Variants in MITF observed in about 807,000 individuals in gnomAD.
The protein encoded by MITF is microphthalmia-associated transcription factor.
In MITF, 17 loss-of-function variants were observed where a neutral mutation model predicts 60.5. That is an observed-to-expected ratio of 0.28 (90% CI 0.19 to 0.42). The LOEUF (loss-of-function observed/expected upper bound fraction) is 0.42, where lower values mean the gene tolerates loss of function less well. MITF is among the 10% of genes least tolerant of loss of function. The pLI is 1.00. For missense variants in MITF, 622 were observed against 683.5 expected, an observed-to-expected ratio of 0.91 and a Z score of 1.00; for synonymous variants, 260 against 248.5, an observed-to-expected ratio of 1.05 and a Z score of -0.43.
chr3:69,800,813 G>A (rs1401348563), intron 1 of MITF, among the ~76,000 whole-genome samples: 1 of 152,038 alleles, frequency 6.6e-6, no homozygotes, highest in Non-Finnish European at 1.5e-5. Context: ...TAGCACAGGG[G>A]AAATATAAAA....
intron 2 of MITF, among the ~76,000 whole-genome samples, chr3:69,897,738 T>G (rs1026061522): frequency 2.6e-5 from 4 of 152,200 alleles, no homozygotes; most frequent in African/African-American, 9.6e-5. Flanking sequence ...GGATCATATC[T>G]CTTTTGCTCA....
intron 1 of MITF, among the ~76,000 whole-genome samples, chr3:69,749,740 C>G (rs1703858395): frequency 6.6e-6 from 1 of 152,174 alleles, no homozygotes; most frequent in Admixed American, 6.5e-5. Flanking sequence ...TGGAGGATAA[C>G]TTGTAAGAGG....
At chr3:69,840,817 G>A (rs1013483501) in intron 1 of MITF, among the ~76,000 whole-genome samples, 9 of 150,166 alleles carry the variant, frequency 6.0e-5, no homozygotes, top group South Asian at 2.1e-4. Context: ...GCAGTGCTGC[G>A]ATCTCAGCTC....
intron 2 of MITF, among the ~76,000 whole-genome samples, chr3:69,887,513 A>G (rs908782886): frequency 1.1e-4 from 16 of 152,080 alleles, no homozygotes; most frequent in Non-Finnish European, 2.4e-4. Flanking sequence ...TTAGCTCCAG[A>G]TAATATACCA....
At chr3:69,840,539 T>C (rs1217576617) in intron 1 of MITF, among the ~76,000 whole-genome samples, 1 of 152,118 alleles carries the variant, frequency 6.6e-6, no homozygotes. Flanking sequence ...TGGCACCTCT[T>C]CTGCCATTCT....
At chr3:69,892,487 G>T (rs1436189587) in intron 2 of MITF, among the ~76,000 whole-genome samples, 1 of 152,120 alleles carries the variant, frequency 6.6e-6, no homozygotes, top group African/African-American at 2.4e-5. Context: ...TTGGTTTTGT[G>T]CATTCCATGA....
intron 1 of MITF, among the ~76,000 whole-genome samples, chr3:69,874,626 A>G (rs568991065): frequency 1.3e-5 from 2 of 152,338 alleles, no homozygotes; most frequent in African/African-American, 4.8e-5. Context: ...GACTAAAGGA[A>G]ACGCAAGGAA....
At chr3:69,921,178 C>T (rs969298479) in intron 2 of MITF, among the ~76,000 whole-genome samples, 1 of 152,164 alleles carries the variant, frequency 6.6e-6, no homozygotes, top group African/African-American at 2.4e-5. Context: ...GGCTGATTTG[C>T]TGTTTTATCA....
chr3:69,906,291 C>T (rs1250064349), intron 2 of MITF, among the ~76,000 whole-genome samples: 1 of 152,044 alleles, frequency 6.6e-6, no homozygotes, highest in African/African-American at 2.4e-5. Flanking sequence ...TTTCTAGAAT[C>T]TCTGTCCTGG....
At chr3:69,811,021 A>G (rs1294896728) in intron 1 of MITF, among the ~76,000 whole-genome samples, 1 of 152,194 alleles carries the variant, frequency 6.6e-6, no homozygotes. Context: ...TTCTGTAGAT[A>G]TATTCTGCAC....
intron 2 of MITF, among the ~76,000 whole-genome samples, chr3:69,885,226 A>G (rs533099400): frequency 1.3e-5 from 2 of 152,110 alleles, no homozygotes; most frequent in East Asian, 1.9e-4. Context: ...CATCTTCTCC[A>G]TGAGCCCCTT....
At chr3:69,959,521 C>A (rs1424302364) in intron 9 of MITF, 101 bp downstream of exon 9, 11 of 1,369,114 alleles carry the variant, frequency 8.0e-6, no homozygotes, top group South Asian at 1.2e-5. Context: ...TTACGTGATC[C>A]TAACACAGTC....
At chr3:69,844,679 A>G (rs2063698870) in intron 1 of MITF, among the ~76,000 whole-genome samples, 1 of 152,242 alleles carries the variant, frequency 6.6e-6, no homozygotes, top group Non-Finnish European at 1.5e-5. Context: ...ATAAGAGTGA[A>G]CAGGCAACTT....
rs1576004543 is a variant in MITF, at chr3:69,937,816, G to T, written c.355-6G>T. The T allele has an allele frequency of 6.2e-6, 10 of 1,613,102 alleles. No homozygotes were observed. Among genetic ancestry groups the T allele is most frequent in the Non-Finnish European group, 8.5e-6 (10 of 1,179,164 alleles). On this transcript the variant is annotated splice_region_variant and splice_polypyrimidine_tract_variant and intron_variant, in intron 2 of 9. Transcript: ENST00000352241. Reference sequence around the variant, plus strand: ...TGTTTTCTTTTCCCTCCATGGCTATGTTCAGGTGCAGACCCACCTCGAAAA... The same window carrying T: ...TGTTTTCTTTTCCCTCCATGGCTATTTTCAGGTGCAGACCCACCTCGAAAA...
chr3:69,789,216 A>G (rs989337925), intron 1 of MITF, among the ~76,000 whole-genome samples: 1 of 152,244 alleles, frequency 6.6e-6, no homozygotes, highest in African/African-American at 2.4e-5. Flanking sequence ...CAGAATGGTA[A>G]AAAGTATTTG....
At chr3:69,886,702 A>G (rs17006582) in intron 2 of MITF, among the ~76,000 whole-genome samples, 2,660 of 152,166 alleles carry the variant, frequency 0.017, 35 homozygotes, top group Middle Eastern at 0.051. Flanking sequence ...GAGTCTCCAC[A>G]ATATGCCAGA....
chr3:69,754,331 C>T (rs1219848885), intron 1 of MITF, among the ~76,000 whole-genome samples: 1 of 152,102 alleles, frequency 6.6e-6, no homozygotes, highest in Non-Finnish European at 1.5e-5. Context: ...ATTCTCCTGC[C>T]TCAGACTACC....
intron 1 of MITF, among the ~76,000 whole-genome samples, chr3:69,770,283 T>C (rs896759274): frequency 2.6e-5 from 4 of 152,188 alleles, no homozygotes; most frequent in Admixed American, 2.0e-4. Context: ...GTGTTGCTTT[T>C]ACCTAAAGGG....
chr3:69,868,998 T>A (rs1170953908), intron 1 of MITF, among the ~76,000 whole-genome samples: 2 of 151,904 alleles, frequency 1.3e-5, no homozygotes, highest in East Asian at 3.9e-4. Flanking sequence ...AATCTTAACA[T>A]GTGGAGGGAA....
Sources: gnomAD v4.1 joint callset for allele counts (sites outside exome capture counted in the v4.1 genomes callset) on GRCh38, gnomAD v4.1.1 for gene constraint, MANE v1.5 for transcripts, NCBI Gene and HGNC (gene_info 2026-07-23, HGNC 2026-07-21) for gene names.